CDH4: variants seen among roughly 807,000 people sequenced by gnomAD.
CDH4 encodes cadherin 4.
CDH4 carries 33 observed loss-of-function variants against 86.0 expected under a neutral mutation model. That is an observed-to-expected ratio of 0.38 (90% confidence interval 0.29 to 0.51). The LOEUF (loss-of-function observed/expected upper bound fraction) is 0.51. Among genes scored for constraint, CDH4 ranks in the 20% least tolerant of loss-of-function variants. CDH4 has a pLI of 0.86. For synonymous variants in CDH4, 555 were observed against 549.4 expected (o/e 1.01, Z -0.14); for missense variants, 1,114 against 1,307.4 (o/e 0.85, Z 2.28).
intron 2 of CDH4, among the ~76,000 whole-genome samples, chr20:61,608,823 GGGT>G (rs1272108861): frequency 6.6e-6 from 1 of 152,132 alleles, no homozygotes; most frequent in African/African-American, 2.4e-5. Context: ...GCCAAACGCG[GGGT>G]GGTGAGCACG....
At chr20:61,271,567 G>A (rs777572362) in intron 2 of CDH4, among the ~76,000 whole-genome samples, 20 of 152,330 alleles carry the variant, frequency 1.3e-4, no homozygotes, top group Middle Eastern at 3.4e-3. Flanking sequence ...ATCCTACAAC[G>A]TGAGGCCCCG....
intron 11 of CDH4, among the ~76,000 whole-genome samples, chr20:61,927,644 GT>G: frequency 6.6e-6 from 1 of 152,376 alleles, no homozygotes; most frequent in African/African-American, 2.4e-5. Context: ...GCCCTAAGAA[GT>G]CCCAGATGGG....
intron 2 of CDH4, among the ~76,000 whole-genome samples, chr20:61,294,151 G>A (rs563770349): frequency 2.6e-5 from 4 of 152,240 alleles, no homozygotes; most frequent in African/African-American, 9.6e-5. Context: ...AGACTGGCCG[G>A]GCCAGCCACC....
chr20:61,344,524 T>C (rs1298549170), intron 2 of CDH4, among the ~76,000 whole-genome samples: 2 of 152,258 alleles, frequency 1.3e-5, no homozygotes, highest in African/African-American at 2.4e-5. Flanking sequence ...TGTTCTTTTT[T>C]CATGAATGGC....
intron 2 of CDH4, among the ~76,000 whole-genome samples, chr20:61,622,567 C>T (rs368408088): frequency 4.6e-5 from 7 of 152,272 alleles, no homozygotes; most frequent in African/African-American, 1.7e-4. Context: ...GCACAGTAGC[C>T]TCCTGCTGCA....
chr20:61,347,035 C>A (rs951663576), intron 2 of CDH4, among the ~76,000 whole-genome samples: 3 of 152,206 alleles, frequency 2.0e-5, no homozygotes, highest in African/African-American at 7.2e-5. Flanking sequence ...CTCCATTAGC[C>A]CAAGGGTTCT....
At chr20:61,422,424 CAAAAAAAAAAAAAAAAAAAAAAAAA>C (rs869235928) in intron 2 of CDH4, among the ~76,000 whole-genome samples, 372 of 22,260 alleles carry the variant, frequency 0.017, 14 homozygotes, top group African/African-American at 0.04. Flanking sequence ...AACTCCGTCT[CAAAAAAAAAAAAAAAAAAAAAAAAA>C]AAAAAAAAAA....
At chr20:61,603,207 G>A (rs2427175) in intron 2 of CDH4, among the ~76,000 whole-genome samples, 90,270 of 151,744 alleles carry the variant, frequency 0.59, 28,457 homozygotes, top group Non-Finnish European at 0.7. Flanking sequence ...CACGGAGTCC[G>A]TGTCACAGAG....
At position 61,582,366 on chromosome 20, in the gene CDH4, C is replaced by CGT. The variant is rs1348635964; in HGVS notation, c.170-161195_170-161194dup. ...TGTTCAAGCGCAGTGAAAAAGGCAGCGTGAGCCCTGGGGCTTTCCCAGGGC... is the reference window on the plus strand; with the variant it reads ...TGTTCAAGCGCAGTGAAAAAGGCAGCGTGTGAGCCCTGGGGCTTTCCCAGGGC... On this transcript the variant is annotated intron_variant, in intron 2 of 15. Coordinates refer to ENST00000614565, the MANE Select transcript of CDH4 (RefSeq NM_001794.5). This position sits in a 1 kb window ranked among gnomAD's most constrained non-coding sequence, Gnocchi z 4.2. 8.5e-5 allele frequency among the ~76,000 whole-genome samples: 13 copies of CGT among 152,344 alleles called. No homozygotes were observed. The South Asian group carries it at 2.3e-3, about 27-fold the overall frequency.
At chr20:61,658,263 C>A (rs2087213708) in intron 2 of CDH4, among the ~76,000 whole-genome samples, 1 of 152,096 alleles carries the variant, frequency 6.6e-6, no homozygotes, top group African/African-American at 2.4e-5. Flanking sequence ...CACCTGCAAC[C>A]CCCGAGTCAC....
intron 2 of CDH4, among the ~76,000 whole-genome samples, chr20:61,508,324 G>C (rs6121421): frequency 3.3e-5 from 5 of 152,326 alleles, no homozygotes; most frequent in African/African-American, 1.2e-4. Flanking sequence ...GGTCCCCACC[G>C]GGTGAGAAGC....
rs199899055 is a variant in CDH4 at position 61,882,902 on chromosome 20, C to CT, written c.1050+9003dup. Among the ~76,000 whole-genome samples the CT allele has an allele frequency of 9.3e-5, 14 of 151,228 alleles. No individual in the cohort carries two copies. The East Asian group carries it at 2.8e-3, about 30-fold the overall frequency. ...TTTCCTTCTCTTTTATGTCCACTGT[C>CT]TCCCCCACACCCGACGGAAGCCACT... is the stretch of plus-strand genomic sequence containing the variant. On this transcript the variant is annotated intron_variant, in intron 7 of 15. Transcript: ENST00000614565.
Position 61,418,909 on chromosome 20 carries a change from G to A in CDH4, c.169+163972G>A, listed in dbSNP as rs187663910. On this transcript the variant is annotated intron_variant, in intron 2 of 15. Transcript: ENST00000614565. ...GACAGCCCTTGATGTTCCTTGGCTT[G>A]TGGCCACATCACTCCAATCTCTGCC... Among the ~76,000 whole-genome samples, 110 of 152,232 alleles carry A rather than the reference G, an allele frequency of 7.2e-4. 1 individual carries two copies. Among genetic ancestry groups the A allele is most frequent in the Middle Eastern group, 6.8e-3 (2 of 294 alleles).
intron 2 of CDH4, among the ~76,000 whole-genome samples, chr20:61,522,279 C>T (rs1225971292): frequency 1.3e-5 from 2 of 151,928 alleles, no homozygotes; most frequent in African/African-American, 4.8e-5. Flanking sequence ...GGATCGGGAA[C>T]CCCCCAAGCC....
At chr20:61,371,770 G>A (rs1275388211) in intron 2 of CDH4, among the ~76,000 whole-genome samples, 2 of 152,252 alleles carry the variant, frequency 1.3e-5, no homozygotes, top group Admixed American at 1.3e-4. Flanking sequence ...CATGGAAGGC[G>A]AAGGCTCGAG....
chr20:61,424,547 C>A (rs1279356599), intron 2 of CDH4, among the ~76,000 whole-genome samples: 4 of 152,194 alleles, frequency 2.6e-5, no homozygotes, highest in African/African-American at 9.7e-5. Context: ...GCCCTGTAGA[C>A]CCTCCACTGC....
At chr20:61,408,347 G>C (rs926454535) in intron 2 of CDH4, among the ~76,000 whole-genome samples, 2 of 152,108 alleles carry the variant, frequency 1.3e-5, no homozygotes, top group Non-Finnish European at 2.9e-5. Context: ...TTGGGGGGTG[G>C]TGTTGCCTGG....
chr20:61,465,811 T>C (rs1468324325), intron 2 of CDH4, among the ~76,000 whole-genome samples: 1 of 152,208 alleles, frequency 6.6e-6, no homozygotes, highest in Non-Finnish European at 1.5e-5. Context: ...ACCAGAAGAA[T>C]CGATTCCTGA....
At chr20:61,458,147 G>A (rs1485168021) in intron 2 of CDH4, among the ~76,000 whole-genome samples, 4 of 151,320 alleles carry the variant, frequency 2.6e-5, no homozygotes, top group Non-Finnish European at 4.4e-5. Flanking sequence ...GATGGTTATG[G>A]TCATGATGTT....
Sources: allele counts gnomAD v4.1 joint callset (sites outside exome capture counted in the v4.1 genomes callset), GRCh38; gene constraint gnomAD v4.1.1; non-coding constraint Gnocchi (gnomAD v3.1); transcripts MANE v1.5; gene names NCBI Gene and HGNC (gene_info 2026-07-23, HGNC 2026-07-21).